RAPGEF2: variants seen among roughly 807,000 people sequenced by gnomAD.
The protein encoded by RAPGEF2 is Rap guanine nucleotide exchange factor 2, also known as PDZ domain containing guanine nucleotide exchange factor (GEF) 1.
A neutral mutation model predicts 186.7 loss-of-function variants in RAPGEF2; 54 were observed. The observed-to-expected ratio is 0.29, with a 90% CI of 0.23 to 0.36. The LOEUF (loss-of-function observed/expected upper bound fraction) is 0.36, where lower values mean the gene tolerates loss of function less well. RAPGEF2 is among the 10% of genes least tolerant of loss of function. RAPGEF2 has a pLI of 1.00. For synonymous variants in RAPGEF2, 712 were observed against 705.9 expected (o/e 1.01, Z -0.14); for missense variants, 1,532 against 2,045.0 (o/e 0.75, Z 4.84).
At chr4:159,344,507 A>G (rs922714999) in intron 23 of RAPGEF2, among the ~76,000 whole-genome samples, 2 of 152,184 alleles carry the variant, frequency 1.3e-5, no homozygotes, top group Non-Finnish European at 2.9e-5. Context: ...TTACAGCTCA[A>G]CTAACTACTA....
intron 7 of RAPGEF2, among the ~76,000 whole-genome samples, chr4:159,260,941 G>C (rs571476196): frequency 6.6e-6 from 1 of 152,272 alleles, no homozygotes; most frequent in Admixed American, 6.5e-5. Context: ...GTAGAGACAG[G>C]GTTTGTCCAT....
intron 4 of RAPGEF2, among the ~76,000 whole-genome samples, chr4:159,231,846 C>T (rs545685647): frequency 2.0e-5 from 3 of 152,136 alleles, no homozygotes; most frequent in Non-Finnish European, 4.4e-5. Flanking sequence ...AATGGATACT[C>T]GACCTGTCTT....
chr4:159,117,671 A>T (rs951811526), intron 1 of RAPGEF2, among the ~76,000 whole-genome samples: 1 of 151,800 alleles, frequency 6.6e-6, no homozygotes, highest in Non-Finnish European at 1.5e-5. Flanking sequence ...TATTTCCTTC[A>T]TATAACCCAG....
At chr4:159,294,284 C>T (rs1208487857) in intron 7 of RAPGEF2, among the ~76,000 whole-genome samples, 1 of 152,008 alleles carries the variant, frequency 6.6e-6, no homozygotes, top group Non-Finnish European at 1.5e-5. Context: ...TCCCGAGCTC[C>T]ATACTCCATT....
At chr4:159,242,675 G>C (rs1323304422) in intron 6 of RAPGEF2, among the ~76,000 whole-genome samples, 3 of 150,516 alleles carry the variant, frequency 2.0e-5, no homozygotes, top group East Asian at 3.9e-4. Flanking sequence ...GGAGAGACTA[G>C]TATTAAAAAA....
At chr4:159,351,681 G>A (rs540545470) in intron 26 of RAPGEF2, among the ~76,000 whole-genome samples, 17 of 152,216 alleles carry the variant, frequency 1.1e-4, no homozygotes, top group East Asian at 1.9e-4. Context: ...AGTGGCTTAC[G>A]CCTGTAATCC....
intron 1 of RAPGEF2, among the ~76,000 whole-genome samples, chr4:159,180,110 G>A (rs1746854133): frequency 6.6e-6 from 1 of 152,124 alleles, no homozygotes. Flanking sequence ...GCTTAGTCCC[G>A]CTTGCTTTTA....
At position 159,210,486 on chromosome 4, in the gene RAPGEF2, C is replaced by T; in HGVS notation, c.198-14C>T. On this transcript the variant is annotated splice_polypyrimidine_tract_variant and intron_variant, in intron 3 of 29. Coordinates refer to ENST00000691494, the MANE Select transcript of RAPGEF2 (RefSeq NM_001394067.2). ...TATAGGTAACAATCTGATTCTGTTA[C>T]CTTTTCTTTTCAGCCCTGATGATAT... 2 of 1,511,318 alleles carry T rather than the reference C, an allele frequency of 1.3e-6. No individual in the cohort carries two copies. Among genetic ancestry groups the T allele is most frequent in the Non-Finnish European group, 1.8e-6 (2 of 1,125,374 alleles). 93.6% of individuals were successfully genotyped at this position (1,511,318 alleles called of 1,614,324 possible).
chr4:159,226,888 A>G (rs1752097598), intron 4 of RAPGEF2, among the ~76,000 whole-genome samples: 1 of 152,214 alleles, frequency 6.6e-6, no homozygotes, highest in Admixed American at 6.5e-5. Flanking sequence ...TTTAATTCAG[A>G]TGAATTAAAT....
At chr4:159,280,986 CTT>C (rs376347355) in intron 7 of RAPGEF2, among the ~76,000 whole-genome samples, 2 of 142,368 alleles carry the variant, frequency 1.4e-5, no homozygotes, top group Admixed American at 7.0e-5. Context: ...TTAACTACTT[CTT>C]TTTTTTTTTT....
chr4:159,245,543 A>G (rs985831923), intron 7 of RAPGEF2, among the ~76,000 whole-genome samples: 2 of 152,064 alleles, frequency 1.3e-5, no homozygotes, highest in Non-Finnish European at 2.9e-5. Flanking sequence ...GGTTCAGAAT[A>G]GGGCAGGTGA....
chr4:159,348,276 ATGGATG>A (rs1730685398), intron 25 of RAPGEF2, among the ~76,000 whole-genome samples: 2 of 151,566 alleles, frequency 1.3e-5, no homozygotes, highest in South Asian at 2.1e-4. Flanking sequence ...GGATGGATGG[ATGGATG>A]GATAGATAGA....
intron 1 of RAPGEF2, among the ~76,000 whole-genome samples, chr4:159,164,196 G>A (rs1745036627): frequency 6.6e-6 from 1 of 151,848 alleles, no homozygotes; most frequent in African/African-American, 2.4e-5. Context: ...AGTAGAGGCG[G>A]GGTTTCACCG....
chr4:159,266,952 A>G (rs1246507670), intron 7 of RAPGEF2: 1 of 219,572 alleles, frequency 4.6e-6, no homozygotes, highest in Non-Finnish European at 9.6e-6. Flanking sequence ...CTGCTGATAG[A>G]ATACAGGCAA....
At chr4:159,112,817 G>A (rs1183283235) in intron 1 of RAPGEF2, among the ~76,000 whole-genome samples, 1 of 152,096 alleles carries the variant, frequency 6.6e-6, no homozygotes. Context: ...TATTTGCATA[G>A]TCTCAAAATA....
chr4:159,157,291 T>C (rs1744230163), intron 1 of RAPGEF2, among the ~76,000 whole-genome samples: 1 of 152,112 alleles, frequency 6.6e-6, no homozygotes, highest in Admixed American at 6.6e-5. Context: ...ATGAAACTGC[T>C]GTGTGATAGC....
chr4:159,128,735 C>A (rs1170565237), intron 1 of RAPGEF2: 1 of 151,446 alleles, frequency 6.6e-6, no homozygotes, highest in East Asian at 2.0e-4. Flanking sequence ...TGTAAAAACT[C>A]TTTTACACCA....
chr4:159,130,089 A>T (rs566998756), intron 1 of RAPGEF2, among the ~76,000 whole-genome samples: 1 of 152,344 alleles, frequency 6.6e-6, no homozygotes, highest in Non-Finnish European at 1.5e-5. Context: ...GTAAACTGTC[A>T]TGGCGCTAGT....
chr4:159,127,267 TC>T (rs1740435477), intron 1 of RAPGEF2, among the ~76,000 whole-genome samples: 1 of 152,222 alleles, frequency 6.6e-6, no homozygotes, highest in African/African-American at 2.4e-5. Context: ...CCTCAGGTGA[TC>T]CGCCTGCCTT....
Sources: allele counts gnomAD v4.1 joint callset (sites outside exome capture counted in the v4.1 genomes callset), GRCh38; gene constraint gnomAD v4.1.1; transcripts MANE v1.5; gene names NCBI Gene and HGNC (gene_info 2026-07-23, HGNC 2026-07-21).